WDR5: variants seen among roughly 807,000 people sequenced by gnomAD.
WDR5 encodes WD repeat domain 5.
For missense variants in WDR5, 187 were observed against 416.9 expected (o/e 0.45, Z 4.80); for synonymous variants, 144 against 161.6 (o/e 0.89, Z 0.83).
Position 134,157,032 on chromosome 9 carries a change from C to T in WDR5, c.904+439C>T, listed in dbSNP as rs1023315899. On this transcript the variant is annotated intron_variant, in intron 13 of 13. Transcript: ENST00000358625. This position sits in a 1 kb window ranked among gnomAD's most constrained non-coding sequence, Gnocchi z 5.0. The stretch of plus-strand genomic sequence containing the variant: ...CATGCAGGCCTAGTGGGCTCCACGG[C>T]GGAGCTGGTTCCCAGGCTACCTGGG... Among the ~76,000 whole-genome samples the T allele has an allele frequency of 1.3e-5, 2 of 152,214 alleles. No individual in the cohort carries two copies. The highest frequency in any genetic ancestry group is 4.8e-5 in the African/African-American group (2 of 41,466).
chr9:134,148,209 T>TG, intron 7 of WDR5, 79 bp from the exon 8 acceptor site: 3 of 469,370 alleles, frequency 6.4e-6, no homozygotes, highest in Non-Finnish European at 1.1e-5. Flanking sequence ...TTTTTTTTTT[T>TG]TTGAGATCAG....
chr9:134,156,426 C>T (rs1352374292), intron 12 of WDR5, 80 bp from the exon 13 acceptor site: 7 of 1,411,480 alleles, frequency 5.0e-6, no homozygotes, highest in Non-Finnish European at 6.0e-6. Flanking sequence ...CAGGGCATAA[C>T]TGGAGATTCT....
chr9:134,147,342 G>T (rs1832258744), intron 7 of WDR5, among the ~76,000 whole-genome samples: 1 of 152,188 alleles, frequency 6.6e-6, no homozygotes, highest in African/African-American at 2.4e-5. Flanking sequence ...CAAATCAGAA[G>T]CCCTGGGGAT....
intron 1 of WDR5, among the ~76,000 whole-genome samples, chr9:134,136,787 A>T (rs989396150): frequency 1.3e-5 from 2 of 152,170 alleles, no homozygotes; most frequent in African/African-American, 2.4e-5. Context: ...TTGAGCGGTT[A>T]CGTTCCCGGA....
At chr9:134,145,190 C>T (rs1337391544) in intron 7 of WDR5, among the ~76,000 whole-genome samples, 1 of 147,792 alleles carries the variant, frequency 6.8e-6, no homozygotes, top group African/African-American at 2.5e-5. Context: ...GCTCTGCCTC[C>T]TGGGTTCAAG....
chr9:134,141,614 C>G, intron 4 of WDR5, 31 bp downstream of exon 4: 1 of 1,610,840 alleles, frequency 6.2e-7, no homozygotes, highest in Non-Finnish European at 8.5e-7. Flanking sequence ...GTGAAGTTGA[C>G]TGTTGAACAG....
At position 134,150,815 on chromosome 9, in the gene WDR5, G is replaced by A. The variant is rs377404448; in HGVS notation, c.585-1168G>A. Among the ~76,000 whole-genome samples the A allele has an allele frequency of 5.3e-5, 8 of 152,228 alleles. No individual in the cohort carries two copies. In the East Asian group the frequency reaches 1.2e-3, roughly 22 times the overall value. ...TGGAACCCCCTGCCCTGCTAGCTAC[G>A]TGGTGTGATCTCGCGTTTAGTGCCA... On this transcript the variant is annotated intron_variant, in intron 8 of 13. Coordinates refer to ENST00000358625, the MANE Select transcript of WDR5 (RefSeq NM_017588.3).
At chr9:134,144,290 C>G (rs543977127) in intron 7 of WDR5, among the ~76,000 whole-genome samples, 3 of 152,182 alleles carry the variant, frequency 2.0e-5, no homozygotes, top group Non-Finnish European at 4.4e-5. Flanking sequence ...GCTTGCGGGC[C>G]CAGCCCCTTG....
chr9:134,139,357 C>T (rs995013557), intron 1 of WDR5, among the ~76,000 whole-genome samples: 1 of 152,192 alleles, frequency 6.6e-6, no homozygotes, highest in Non-Finnish European at 1.5e-5. Flanking sequence ...TGGCTGTGAA[C>T]GTGATTGCGT....
chr9:134,146,996 C>T (rs1832242569), intron 7 of WDR5, among the ~76,000 whole-genome samples: 1 of 152,218 alleles, frequency 6.6e-6, no homozygotes, highest in African/African-American at 2.4e-5. Flanking sequence ...TAGAGGCTGC[C>T]AGCCGCATGA....
intron 3 of WDR5, among the ~76,000 whole-genome samples, chr9:134,141,203 T>C (rs1831869835): frequency 6.6e-6 from 1 of 152,170 alleles, no homozygotes; most frequent in South Asian, 2.1e-4. Flanking sequence ...GGAGAATCGC[T>C]TGAACCTGGG....
intron 7 of WDR5, among the ~76,000 whole-genome samples, chr9:134,144,264 G>A (rs1832054803): frequency 6.6e-6 from 1 of 152,252 alleles, no homozygotes; most frequent in Admixed American, 6.5e-5. Context: ...ATGTGGCCCT[G>A]TGCTTGTGGC....
chr9:134,146,208 C>T (rs1157683231), intron 7 of WDR5, among the ~76,000 whole-genome samples: 2 of 150,724 alleles, frequency 1.3e-5, no homozygotes, highest in Non-Finnish European at 2.9e-5. Flanking sequence ...ACCTCATAAT[C>T]CGCCCACCTC....
chr9:134,140,789 T>A lies in WDR5; in HGVS notation c.168T>A (p.Asn56Lys), dbSNP rs778768558. The stretch of plus-strand genomic sequence containing the variant: ...TGTCCTCCGTGAAATTCAGCCCGAA[T>A]GGAGAGTGGCTGGCAAGTTCATGTA... Reference protein sequence around the residue: ...KAVSSVKFSPNGEWLASSSAD... With the variant: ...KAVSSVKFSPKGEWLASSSAD... Residue 56 changes from asparagine to lysine, a missense_variant, in exon 3 of 14, where the codon AAT (asparagine) becomes AAA (lysine). By Grantham distance (94) the Asn-to-Lys change is moderately conservative. Transcript: ENST00000358625. 6.2e-7 allele frequency: 1 copy of A among 1,614,106 alleles called. No homozygotes were observed. Among genetic ancestry groups the A allele is most frequent in the South Asian group, 1.1e-5 (1 of 91,088 alleles).
rs939438962 is a variant in WDR5 at position 134,142,252 on chromosome 9, G to T, written c.355-81G>T. ...CGGGGCATCAGGCATGCTTTGGGAT[G>T]TCAGACATTGATGAATGTGACCTGA... On this transcript the variant is annotated intron_variant, in intron 5 of 13. Coordinates refer to ENST00000358625, the MANE Select transcript of WDR5 (RefSeq NM_017588.3). 4.1e-6 allele frequency: 6 copies of T among 1,468,772 alleles called. No homozygotes were observed. The African/African-American group carries it at 8.3e-5, about 20-fold the overall frequency. 91.0% of individuals were successfully genotyped at this position (1,468,772 alleles called of 1,614,324 possible). A position where few individuals can be genotyped will look rare whatever the true frequency, so the allele number is the denominator to read the frequency against.
chr9:134,154,660 G>A (rs989825795), intron 10 of WDR5, 119 bp downstream of exon 10: 5 of 1,170,908 alleles, frequency 4.3e-6, no homozygotes, highest in Non-Finnish European at 3.7e-6. Flanking sequence ...CCAGGCTCCT[G>A]GTGGAGCTTC....
intron 7 of WDR5, among the ~76,000 whole-genome samples, chr9:134,147,421 C>T (rs1832262397): frequency 6.6e-6 from 1 of 152,168 alleles, no homozygotes; most frequent in South Asian, 2.1e-4. Flanking sequence ...CCTCTGGGGA[C>T]ACATGGCAAT....
rs2132529883 is a variant in WDR5 at position 134,140,802 on chromosome 9, G to A, written c.181G>A (p.Ala61Thr). 1 of 1,614,014 alleles carries A rather than the reference G, an allele frequency of 6.2e-7. No individual in the cohort carries two copies. Among genetic ancestry groups the A allele is most frequent in the Non-Finnish European group, 8.5e-7 (1 of 1,179,906 alleles). The change falls in exon 3 of 14, where the codon GCA becomes ACA. Residue 61 changes from alanine to threonine, a missense_variant. Coordinates refer to ENST00000358625, the MANE Select transcript of WDR5 (RefSeq NM_017588.3). ...ATTCAGCCCGAATGGAGAGTGGCTG[G>A]CAAGTTCATGTACGTAGCACTGAGG... ...VKFSPNGEWLASSSADKLIKI... is the reference protein window; with the variant it reads ...VKFSPNGEWLTSSSADKLIKI...
chr9:134,145,100 T>TTTG (rs1204841992), intron 7 of WDR5, among the ~76,000 whole-genome samples: 3 of 116,946 alleles, frequency 2.6e-5, no homozygotes, highest in South Asian at 2.5e-4. Context: ...GGCTTTGTTT[T>TTTG]TTTTTTTTTT....
Sources: gnomAD v4.1 joint callset for allele counts (sites outside exome capture counted in the v4.1 genomes callset) on GRCh38, gnomAD v4.1.1 for gene constraint, Gnocchi (gnomAD v3.1) non-coding constraint, MANE v1.5 for transcripts, NCBI Gene and HGNC (gene_info 2026-07-23, HGNC 2026-07-21) for gene names.